DPCD: variants seen among roughly 807,000 people sequenced by gnomAD.
DPCD encodes the protein deleted in primary ciliary dyskinesia homolog (mouse), also known as protein DPCD.
DPCD carries 20 observed loss-of-function variants against 26.4 expected under a neutral mutation model. The ratio of observed to expected loss-of-function variants is 0.76; its 90% CI spans 0.53 to 1.10. The LOEUF (loss-of-function observed/expected upper bound fraction) is 1.10, where lower values mean the gene tolerates loss of function less well. Among genes scored for constraint, DPCD ranks in the 50% least tolerant of loss-of-function variants. The pLI, the probability that DPCD is intolerant of heterozygous loss-of-function variation, is 0.00. For synonymous variants in DPCD, 97 were observed against 94.2 expected (o/e 1.03, Z -0.17); for missense variants, 202 against 253.9 (o/e 0.80, Z 1.39).
intron 2 of DPCD, 54 bp downstream of exon 2, chr10:101,594,792 G>A (rs1226904144): frequency 1.3e-6 from 2 of 1,542,698 alleles, no homozygotes; most frequent in African/African-American, 2.7e-5. Context: ...GCTGACATAA[G>A]CACAATGAAC....
chr10:101,601,311 A>G lies in DPCD; in HGVS notation c.379A>G (p.Ile127Val), dbSNP rs555500564. The change falls in exon 4 of 6, where the codon ATC (isoleucine) becomes GTC (valine). Residue 127 changes from isoleucine (I) to valine (V), a missense_variant. Physicochemically the swap from Ile to Val is conservative, Grantham distance 29. This residue lies in a region of DPCD where 118 missense variants were observed against 145.1 expected (regional missense o/e 0.81). Coordinates refer to ENST00000370151, the MANE Select transcript of DPCD (RefSeq NM_015448.3). ...CTCTGTGGACCAGAAGGAGCGCTGC[A>G]TCATTGTCAGAACAACCAACAAGAA... is the stretch of plus-strand genomic sequence containing the variant. ...SVSVDQKERC[I>V]IVRTTNKKYY... 41 of 1,613,734 alleles carry G rather than the reference A, an allele frequency of 2.5e-5. No individual in the cohort carries two copies. The highest frequency in any genetic ancestry group is 3.2e-5 in the Non-Finnish European group (38 of 1,179,916).
chr10:101,602,221 T>G (rs2063703357), intron 4 of DPCD, among the ~76,000 whole-genome samples: 1 of 152,240 alleles, frequency 6.6e-6, no homozygotes, highest in Non-Finnish European at 1.5e-5. Flanking sequence ...ACATGCCTCA[T>G]GGGGATGCCC....
intron 1 of DPCD, 108 bp downstream of exon 1, chr10:101,588,508 C>A: frequency 6.7e-7 from 1 of 1,502,474 alleles, no homozygotes; most frequent in Admixed American, 2.2e-5. Context: ...TCTCGGCGGT[C>A]AGCCGGGCCA....
chr10:101,593,980 G>A (rs1373553823), intron 1 of DPCD, among the ~76,000 whole-genome samples: 1 of 152,156 alleles, frequency 6.6e-6, no homozygotes, highest in African/African-American at 2.4e-5. Context: ...TAGTAGAAGA[G>A]ATAGGCAGTA....
In DPCD at chr10:101,608,934, C is replaced by T. The variant is rs2063752751; in HGVS notation, c.504C>T (p.Ile168=). 1 of 1,611,732 alleles carries T rather than the reference C, an allele frequency of 6.2e-7. No homozygotes were observed. Among genetic ancestry groups the T allele is most frequent in the Non-Finnish European group, 8.5e-7 (1 of 1,178,232 alleles). ...SFAHANCTLI[I]SYQKPKEVVV... The stretch of plus-strand genomic sequence containing the variant: ...CCCACGCCAACTGCACCCTGATCAT[C>T]TCTGTAAGATTCACCCAGACTTCTT... Residue 168 remains isoleucine (I), a synonymous_variant, in exon 5 of 6, where the codon ATC becomes ATT. Transcript: ENST00000370151.
rs1348636154 is a variant in DPCD at position 101,600,649 on chromosome 10, C to A, written c.146-89C>A. Reference sequence around the variant, plus strand: ...CTTGTGCTAGTTACCTAGTGTGGTGCCGGTGATTCAGCAGAAAAGAGCAGA... The same window carrying A: ...CTTGTGCTAGTTACCTAGTGTGGTGACGGTGATTCAGCAGAAAAGAGCAGA... On this transcript the variant is annotated intron_variant, in intron 2 of 5. Coordinates refer to ENST00000370151, the MANE Select transcript of DPCD (RefSeq NM_015448.3). This position sits in a 1 kb window ranked among gnomAD's most constrained non-coding sequence, Gnocchi z 4.7. The A allele has an allele frequency of 6.6e-7, 1 of 1,521,254 alleles. No individual in the cohort carries two copies. The highest frequency in any genetic ancestry group is 8.8e-7 in the Non-Finnish European group (1 of 1,133,902). The allele number at this position is 1,521,254 out of a possible 1,614,324, so 94.2% of individuals were successfully genotyped here.
chr10:101,596,904 T>G (rs192859124), intron 2 of DPCD, among the ~76,000 whole-genome samples: 282 of 152,334 alleles, frequency 1.9e-3, no homozygotes, highest in African/African-American at 6.6e-3. Context: ...AAATTCAAAG[T>G]AATTTACAGA....
At chr10:101,607,517 G>A (rs1312085738) in intron 4 of DPCD, among the ~76,000 whole-genome samples, 1 of 152,202 alleles carries the variant, frequency 6.6e-6, no homozygotes. Flanking sequence ...TGGGGAGTGG[G>A]GAACCTGGGA....
chr10:101,590,325 G>A (rs1178968839), intron 1 of DPCD, among the ~76,000 whole-genome samples: 3 of 152,066 alleles, frequency 2.0e-5, no homozygotes, highest in Non-Finnish European at 4.4e-5. Context: ...GAGCAATGAG[G>A]GGAAGTTGTG....
At chr10:101,605,321 G>A (rs2063726687) in intron 4 of DPCD, 13 of 1,474,820 alleles carry the variant, frequency 8.8e-6, no homozygotes, top group Non-Finnish European at 1.1e-5. Context: ...CTTTTGGGTT[G>A]AAAGGCTGGA....
In DPCD at chr10:101,609,497, C is replaced by T; in HGVS notation, c.*26C>T. 1 of 1,600,190 alleles carries T rather than the reference C, an allele frequency of 6.2e-7. No homozygotes were observed. Among genetic ancestry groups the T allele is most frequent in the Non-Finnish European group, 8.6e-7 (1 of 1,169,292 alleles). On this transcript the variant is annotated 3_prime_UTR_variant, in exon 6 of 6. Coordinates refer to ENST00000370151, the MANE Select transcript of DPCD (RefSeq NM_015448.3). ...TTGGCCCCTGAGCCTTATACCTCCACCACAGGGGGTGCCGTGAGACTTCAA... is the reference window on the plus strand; with the variant it reads ...TTGGCCCCTGAGCCTTATACCTCCATCACAGGGGGTGCCGTGAGACTTCAA...
rs951232524 is a variant in DPCD, at chr10:101,600,581, A to G, written c.146-157A>G. 1.3e-5 allele frequency among the ~76,000 whole-genome samples: 2 copies of G among 152,168 alleles called. No individual in the cohort carries two copies. The highest frequency in any genetic ancestry group is 4.8e-5 in the African/African-American group (2 of 41,430). ...CAGAAGTTGTGAGGTCCCTCCTTAG[A>G]TTAACAAAGCTGAGAGTAAAGGCCC... On this transcript the variant is annotated intron_variant, in intron 2 of 5. Transcript: ENST00000370151. This position sits in a 1 kb window ranked among gnomAD's most constrained non-coding sequence, Gnocchi z 4.7.
chr10:101,594,858 G>A, intron 2 of DPCD, 120 bp downstream of exon 2: 2 of 919,990 alleles, frequency 2.2e-6, no homozygotes, highest in Non-Finnish European at 3.4e-6. Flanking sequence ...GGCTGGGAGA[G>A]ACGGAAGCCC....
chr10:101,592,650 G>T (rs2063619014), intron 1 of DPCD, among the ~76,000 whole-genome samples: 1 of 150,704 alleles, frequency 6.6e-6, no homozygotes, highest in African/African-American at 2.5e-5. Context: ...AGCCCAGGAG[G>T]CAGAGGTTGC....
chr10:101,596,803 A>G (rs1350302500), intron 2 of DPCD, among the ~76,000 whole-genome samples: 1 of 151,906 alleles, frequency 6.6e-6, no homozygotes, highest in Non-Finnish European at 1.5e-5. Context: ...AAGTAGGGAC[A>G]TGGTTTTTGT....
rs150149835 is a variant in DPCD at position 101,609,660 on chromosome 10, G to A, written c.*189G>A. The stretch of plus-strand genomic sequence containing the variant: ...GTAAAGTCATTCTGAGTTACTTACT[G>A]CACAGGGACTGCCCTCTTGTTCCCC... On this transcript the variant is annotated 3_prime_UTR_variant, in exon 6 of 6. Transcript: ENST00000370151. The A allele has an allele frequency of 5.1e-6, 3 of 588,090 alleles. No individual in the cohort carries two copies. The East Asian group carries it at 8.6e-5, about 17-fold the overall frequency. 36.4% of individuals were successfully genotyped at this position (588,090 alleles called of 1,614,324 possible). A position where few individuals can be genotyped will look rare whatever the true frequency, so the allele number is the denominator to read the frequency against.
intron 4 of DPCD, among the ~76,000 whole-genome samples, chr10:101,602,999 G>C (rs763288372): frequency 1.3e-4 from 20 of 152,396 alleles, no homozygotes; most frequent in African/African-American, 4.6e-4. Context: ...ATGGCTGGAG[G>C]CCCAGGCTAG....
chr10:101,609,159 G>A (rs1237847489), intron 5 of DPCD: 1 of 642,898 alleles, frequency 1.6e-6, no homozygotes, highest in Non-Finnish European at 2.7e-6. Flanking sequence ...AGGGTGAAAG[G>A]GAAGCGGTGG....
Position 101,608,835 on chromosome 10 carries a change from G to T in DPCD, c.405G>T (p.Lys135Asn). ...CAATGGCCTCTCGGTGTCCCCACAGGTACTACAAGAAGTTCTCCATTCCTG... is the reference window on the plus strand; with the variant it reads ...CAATGGCCTCTCGGTGTCCCCACAGTTACTACAAGAAGTTCTCCATTCCTG... ...RCIIVRTTNK[K>N]YYKKFSIPDL... Residue 135 changes from lysine to asparagine, a missense_variant and splice_region_variant, in exon 5 of 6, where the codon AAG becomes AAT. Around this residue, in one of 3 missense-constraint regions of DPCD, gnomAD observed 118 missense variants for 145.1 expected, o/e 0.81. Transcript: ENST00000370151. The T allele has an allele frequency of 1.2e-6, 2 of 1,611,654 alleles. No individual in the cohort carries two copies. The highest frequency in any genetic ancestry group is 2.2e-5 in the South Asian group (2 of 91,006).
Sources: gnomAD v4.1 joint callset for allele counts (sites outside exome capture counted in the v4.1 genomes callset) on GRCh38, gnomAD v4.1.1 for gene constraint, gnomAD v4.1.1 regional missense constraint, Gnocchi (gnomAD v3.1) non-coding constraint, MANE v1.5 for transcripts, NCBI Gene and HGNC (gene_info 2026-07-23, HGNC 2026-07-21) for gene names.